SLC27A1: variants seen among roughly 807,000 people sequenced by gnomAD.
The protein encoded by SLC27A1 is long-chain fatty acid transport protein 1.
In SLC27A1, 61 loss-of-function variants were observed where a neutral mutation model predicts 62.2. The observed-to-expected ratio is 0.98, with a 90% CI of 0.80 to 1.21. The LOEUF is 1.21. Ranked by LOEUF, SLC27A1 falls within the 50% of genes most tolerant of loss-of-function variation. SLC27A1 has a pLI of 0.00. For synonymous variants in SLC27A1, 435 were observed against 408.6 expected (o/e 1.06, Z -0.78); for missense variants, 903 against 932.1 (o/e 0.97, Z 0.41).
In SLC27A1 at chr19:17,472,024, G is replaced by T. The variant is rs116659044; in HGVS notation, c.167+1317G>T. ...ACATACTGGACCCCTTTTAGCCAGG[G>T]CAGGCTCTCCCTCTGGGAACCTTTG... On this transcript the variant is annotated intron_variant, in intron 1 of 11. Transcript: ENST00000252595. Among the ~76,000 whole-genome samples, 1,125 of 152,240 alleles carry T rather than the reference G, an allele frequency of 7.4e-3. 7 individuals carry two copies. Among genetic ancestry groups the T allele is most frequent in the African/African-American group, 0.026 (1,076 of 41,554 alleles).
intron 1 of SLC27A1, among the ~76,000 whole-genome samples, chr19:17,473,139 C>A (rs980099831): frequency 2.6e-5 from 4 of 152,038 alleles, no homozygotes; most frequent in Non-Finnish European, 5.9e-5. Context: ...TGCCACGTTG[C>A]CCAGGCTAGT....
At chr19:17,487,068 T>C (rs2075240991) in intron 2 of SLC27A1, 106 bp from the exon 3 acceptor site, 1 of 1,574,012 alleles carries the variant, frequency 6.4e-7, no homozygotes, top group South Asian at 1.2e-5. Flanking sequence ...GACGTGGGCA[T>C]GAGGTGCACG....
chr19:17,478,821 C>A (rs59332356), intron 1 of SLC27A1, among the ~76,000 whole-genome samples: 3 of 151,822 alleles, frequency 2.0e-5, no homozygotes, highest in Non-Finnish European at 4.4e-5. Flanking sequence ...TGCAGTGAGC[C>A]GAGATTGTGC....
At chr19:17,504,108 A>G (rs562057953) in intron 11 of SLC27A1, among the ~76,000 whole-genome samples, 2 of 152,194 alleles carry the variant, frequency 1.3e-5, no homozygotes, top group Admixed American at 6.5e-5. Context: ...TTTATTTACA[A>G]AAACAGGTGG....
chr19:17,486,740 G>C lies in SLC27A1; in HGVS notation c.345G>C (p.Ala115=). The C allele has an allele frequency of 6.2e-7, 1 of 1,610,916 alleles. No homozygotes were observed. Among genetic ancestry groups the C allele is most frequent in the Non-Finnish European group, 8.5e-7 (1 of 1,178,676 alleles). ...CGCAGCTGGACGCCTACTCCAATGC[G>C]GTAGCCAACCTCTTCCGCCAGCTGG... ...TFAQLDAYSN[A]VANLFRQLGF... Residue 115 remains alanine, a synonymous_variant, in exon 2 of 12, where the codon GCG becomes GCC. Transcript: ENST00000252595. The surrounding 1 kb of genome is among the most constrained non-coding windows in gnomAD (Gnocchi z 6.6).
chr19:17,488,427 C>A (rs1008625624), intron 4 of SLC27A1, among the ~76,000 whole-genome samples: 1 of 152,056 alleles, frequency 6.6e-6, no homozygotes, highest in African/African-American at 2.4e-5. Flanking sequence ...TCCCTGATGT[C>A]ATTTTCCTCC....
intron 1 of SLC27A1, among the ~76,000 whole-genome samples, chr19:17,482,270 G>A (rs2075185989): frequency 6.6e-6 from 1 of 152,172 alleles, no homozygotes; most frequent in Admixed American, 6.5e-5. Flanking sequence ...TGTAATCCCA[G>A]CACTTTGCCG....
chr19:17,488,490 C>T (rs1209705690), intron 4 of SLC27A1, among the ~76,000 whole-genome samples: 2 of 152,170 alleles, frequency 1.3e-5, no homozygotes, highest in Admixed American at 6.5e-5. Flanking sequence ...CAAACCCATA[C>T]ACTCCTTCCG....
In SLC27A1 at chr19:17,501,531, CGGT is replaced by C. The variant is rs753294590; in HGVS notation, c.1783+115_1783+117del. The C allele has an allele frequency of 5.5e-4, 774 of 1,415,304 alleles. 1 individual carries two copies. The highest frequency in any genetic ancestry group is 6.8e-4 in the Non-Finnish European group (716 of 1,047,278). 87.7% of individuals were successfully genotyped at this position (1,415,304 alleles called of 1,614,324 possible). ...AAGAATACCTGGCCGGGGCCAGGCA[CGGT>C]GGCTCACGCCTGTAATCCCAGCACT... On this transcript the variant is annotated intron_variant, in intron 11 of 11. Coordinates refer to ENST00000252595, the MANE Select transcript of SLC27A1 (RefSeq NM_198580.3).
At chr19:17,474,580 G>A (rs2075104378) in intron 1 of SLC27A1, among the ~76,000 whole-genome samples, 4 of 150,364 alleles carry the variant, frequency 2.7e-5, no homozygotes, top group Admixed American at 2.7e-4. Context: ...CTTCCCACTT[G>A]TATGGTCCCC....
Position 17,500,700 on chromosome 19 carries a change from C to A in SLC27A1, c.1472-12C>A. 1.2e-6 allele frequency: 2 copies of A among 1,614,068 alleles called. No homozygotes were observed. Among genetic ancestry groups the A allele is most frequent in the Non-Finnish European group, 8.5e-7 (1 of 1,179,950 alleles). ...GGATCCTCCACCCATCTGCCCCTCT[C>A]CCCTCTGCCAGGTGACGTGCTAGTG... On this transcript the variant is annotated splice_polypyrimidine_tract_variant and intron_variant, in intron 9 of 11. Coordinates refer to ENST00000252595, the MANE Select transcript of SLC27A1 (RefSeq NM_198580.3).
chr19:17,489,088 TG>T lies in SLC27A1; in HGVS notation c.970del (p.Asp324ThrfsTer22). 2.5e-6 allele frequency: 4 copies of T among 1,614,152 alleles called. No homozygotes were observed. Among genetic ancestry groups the T allele is most frequent in the Non-Finnish European group, 2.5e-6 (3 of 1,180,018 alleles). ...LRKKFSASRF[W>X]DDCIKYNCTV... ...CAAGAAATTCTCGGCCAGCCGCTTC[TG>T]GGACGACTGCATCAAGTACAACTGC... On this transcript the variant is annotated frameshift_variant, in exon 6 of 12. Transcript: ENST00000252595. LOFTEE classifies it high-confidence loss of function.
chr19:17,504,437 C>T lies in SLC27A1; in HGVS notation c.1784-18C>T, dbSNP rs1289827466. ...AGCCACCTGCTCAGCCCTTATCTGC[C>T]CCCCATCCCCACTATAGGCACCTTC... On this transcript the variant is annotated intron_variant, in intron 11 of 11. Transcript: ENST00000252595. The T allele has an allele frequency of 1.2e-6, 2 of 1,613,974 alleles. No homozygotes were observed. Among genetic ancestry groups the T allele is most frequent in the Admixed American group, 1.7e-5 (1 of 59,992 alleles).
chr19:17,497,668 T>C, intron 7 of SLC27A1: 1 of 625,496 alleles, frequency 1.6e-6, no homozygotes, highest in Non-Finnish European at 2.8e-6. Context: ...GCACAGATAG[T>C]CATGTGACTG....
intron 6 of SLC27A1, among the ~76,000 whole-genome samples, chr19:17,493,171 C>T (rs1357194567): frequency 6.6e-6 from 1 of 150,636 alleles, no homozygotes; most frequent in Non-Finnish European, 1.5e-5. Flanking sequence ...CGGCGGCTCA[C>T]GCCTGTAATC....
At chr19:17,500,964 C>T (rs2075405925) in intron 10 of SLC27A1, 88 bp downstream of exon 10, 5 of 1,389,882 alleles carry the variant, frequency 3.6e-6, no homozygotes, top group Non-Finnish European at 4.8e-6. Context: ...TGCCTTTGGG[C>T]AGTGCACAAC....
At chr19:17,470,488 C>G (rs1206321737), upstream of SLC27A1, 2 of 1,436,336 alleles carry the variant, frequency 1.4e-6, no homozygotes, top group Non-Finnish European at 1.8e-6. Context: ...CGGAGCGGGT[C>G]GTGGGGCGGG....
intron 4 of SLC27A1, 79 bp downstream of exon 4, chr19:17,487,608 C>T: frequency 7.4e-7 from 1 of 1,351,574 alleles, no homozygotes; most frequent in Middle Eastern, 2.5e-4. Flanking sequence ...TGCCCCTCAG[C>T]TCCTGTGGGC....
rs921047333 is a variant in SLC27A1, at chr19:17,504,989, G to C, written c.*377G>C. ...CTCACTGCAACCTCTGCCTCCTGGG[G>C]TTCAAGTGATCCTCCCACCTCAGCC... is the stretch of plus-strand genomic sequence containing the variant. On this transcript the variant is annotated 3_prime_UTR_variant, in exon 12 of 12. Coordinates refer to ENST00000252595, the MANE Select transcript of SLC27A1 (RefSeq NM_198580.3). The C allele has an allele frequency of 1.0e-4, 39 of 388,786 alleles. No homozygotes were observed. Among genetic ancestry groups the C allele is most frequent in the Admixed American group, 2.5e-4 (8 of 32,436 alleles). 24.1% of individuals were successfully genotyped at this position (388,786 alleles called of 1,614,324 possible).
Sources: gnomAD v4.1 joint callset for allele counts (sites outside exome capture counted in the v4.1 genomes callset) on GRCh38, gnomAD v4.1.1 for gene constraint, Gnocchi (gnomAD v3.1) non-coding constraint, MANE v1.5 for transcripts, NCBI Gene and HGNC (gene_info 2026-07-23, HGNC 2026-07-21) for gene names.